The following FRMPD4 variants were observed in gnomAD, a reference collection of about 807,000 sequenced individuals.
FRMPD4 encodes the protein FERM and PDZ domain-containing protein 4.
In FRMPD4, 22 loss-of-function variants were observed where a neutral mutation model predicts 94.1. The observed-to-expected ratio is 0.23, with a 90% CI of 0.17 to 0.33. FRMPD4 has a LOEUF of 0.33. FRMPD4 is among the 10% of genes least tolerant of loss of function. The pLI is 1.00. For synonymous variants in FRMPD4, 631 were observed against 548.6 expected (o/e 1.15, Z -2.10); for missense variants, 1,111 against 1,339.9 (o/e 0.83, Z 2.67).
intron 1 of FRMPD4, among the ~76,000 whole-genome samples, chrX:12,406,024 G>T (rs750883151): frequency 2.8e-3 from 314 of 111,131 alleles, no homozygotes; most frequent in Non-Finnish European, 3.5e-3. Context: ...CTCAACCAGG[G>T]CGCTCTTGCC....
chrX:12,221,892 A>G (rs1324134927), intron 1 of FRMPD4, among the ~76,000 whole-genome samples: 1 of 112,401 alleles, frequency 8.9e-6, no homozygotes, highest in Non-Finnish European at 1.9e-5. Flanking sequence ...CACAGGATGG[A>G]ATATAAAGTG....
chrX:12,020,589 A>G, intron 3 of FRMPD4, among the ~76,000 whole-genome samples: 1 of 111,937 alleles, frequency 8.9e-6, no homozygotes, highest in Non-Finnish European at 1.9e-5. Context: ...TCTACTGGCC[A>G]GAGCTCAGTC....
intron 3 of FRMPD4, among the ~76,000 whole-genome samples, chrX:12,109,729 A>G (rs966725790): frequency 2.7e-5 from 3 of 112,049 alleles, no homozygotes; most frequent in African/African-American, 9.7e-5. Context: ...AAAAAATGAT[A>G]AAGGGGATAT....
chrX:11,835,777 A>G (rs1408341171), intron 1 of FRMPD4, among the ~76,000 whole-genome samples: 2 of 112,017 alleles, frequency 1.8e-5, no homozygotes, highest in African/African-American at 6.5e-5. Flanking sequence ...TCCCAGTATT[A>G]TCACTTGACA....
chrX:12,264,826 G>A (rs954833325), intron 1 of FRMPD4, among the ~76,000 whole-genome samples: 2 of 112,118 alleles, frequency 1.8e-5, no homozygotes, highest in African/African-American at 3.2e-5. Flanking sequence ...TTCAAGATGG[G>A]AATTTATGGG....
chrX:12,679,032 G>A (rs1402342482), intron 5 of FRMPD4, among the ~76,000 whole-genome samples: 3 of 112,126 alleles, frequency 2.7e-5, no homozygotes, highest in Admixed American at 9.4e-5. Flanking sequence ...ACAGCTGAGA[G>A]AGGCTACACA....
intron 1 of FRMPD4, among the ~76,000 whole-genome samples, chrX:12,193,838 G>GGAAGGAAGGAAGGAAGGAAGAAAAGA (rs1478269492): frequency 1.5e-4 from 9 of 59,959 alleles, no homozygotes; most frequent in East Asian, 1.0e-3. Flanking sequence ...AGGGAAGGAA[G>GGAAGGAAGGAAGGAAGGAAGAAAAGA]AAAGAAAAGA....
intron 1 of FRMPD4, among the ~76,000 whole-genome samples, chrX:12,291,050 G>A (rs1405680994): frequency 3.6e-5 from 4 of 111,048 alleles, no homozygotes; most frequent in Non-Finnish European, 7.5e-5. Context: ...TAGCTCCCTG[G>A]CTGCATCTGC....
intron 1 of FRMPD4, among the ~76,000 whole-genome samples, chrX:12,333,830 C>T (rs2055473051): frequency 8.9e-6 from 1 of 111,839 alleles, no homozygotes; most frequent in South Asian, 3.7e-4. Flanking sequence ...GAAACATATT[C>T]AGGTATGTAG....
intron 1 of FRMPD4, among the ~76,000 whole-genome samples, chrX:12,337,685 A>G (rs5978519): frequency 0.086 from 9,604 of 111,922 alleles, 1,044 homozygotes; most frequent in African/African-American, 0.29. Flanking sequence ...TTTGCAGAAT[A>G]AACCTTGAGG....
chrX:12,105,555 T>C (rs1789697159), intron 3 of FRMPD4, among the ~76,000 whole-genome samples: 1 of 112,421 alleles, frequency 8.9e-6, no homozygotes. Flanking sequence ...CACTTAACCC[T>C]CATTTCAAAC....
At chrX:12,266,735 G>A (rs1304272981) in intron 1 of FRMPD4, among the ~76,000 whole-genome samples, 2 of 111,298 alleles carry the variant, frequency 1.8e-5, no homozygotes, top group African/African-American at 6.5e-5. Context: ...TATGGTACAT[G>A]CATGCTTTTG....
At chrX:12,118,035 C>T (rs1158037976) in intron 3 of FRMPD4, among the ~76,000 whole-genome samples, 1 of 111,241 alleles carries the variant, frequency 9.0e-6, no homozygotes, top group Non-Finnish European at 1.9e-5. Flanking sequence ...TTTAATGTAA[C>T]ATACATACAA....
intron 3 of FRMPD4, among the ~76,000 whole-genome samples, chrX:12,016,574 T>C (rs892877408): frequency 3.0e-4 from 33 of 111,829 alleles, no homozygotes; most frequent in African/African-American, 1.0e-3. Flanking sequence ...GAGTTATACC[T>C]CTTGTCATTA....
rs768757648 is a variant in FRMPD4 at position 11,884,822 on chromosome X, A to G, written c.95+6804A>G. Among the ~76,000 whole-genome samples, 3 of 111,821 alleles carry G rather than the reference A, an allele frequency of 2.7e-5. No homozygotes were observed. In the South Asian group the frequency reaches 1.1e-3, roughly 42 times the overall value. ...GAATAAAGTAAAATGTGAAATCTGC[A>G]TAATAGAGGAGAGATTAAATATAGA... On this transcript the variant is annotated intron_variant, in intron 3 of 18. Coordinates refer to the FRMPD4 transcript ENST00000640291.
intron 1 of FRMPD4, among the ~76,000 whole-genome samples, chrX:11,851,362 T>C (rs1282765793): frequency 9.0e-6 from 1 of 111,308 alleles, no homozygotes. Flanking sequence ...CCCTTCTCCA[T>C]TGACAGATTA....
At chrX:12,618,563 A>G (rs1294031745) in intron 4 of FRMPD4, among the ~76,000 whole-genome samples, 1 of 111,200 alleles carries the variant, frequency 9.0e-6, no homozygotes, top group Non-Finnish European at 1.9e-5. Context: ...TATGCATGAG[A>G]AGGGAGTTGT....
intron 1 of FRMPD4, among the ~76,000 whole-genome samples, chrX:12,318,381 C>T (rs955073833): frequency 7.2e-5 from 8 of 111,380 alleles, no homozygotes; most frequent in African/African-American, 2.3e-4. Flanking sequence ...AAAAATTAGC[C>T]GAGTGTGGTG....
At chrX:12,342,552 G>T (rs930105842) in intron 1 of FRMPD4, among the ~76,000 whole-genome samples, 1 of 111,702 alleles carries the variant, frequency 9.0e-6, no homozygotes, top group Admixed American at 9.5e-5. Context: ...ATTGGAGCTT[G>T]GTTATGAATG....
Sources: gnomAD v4.1 joint callset for allele counts (sites outside exome capture counted in the v4.1 genomes callset) on GRCh38, gnomAD v4.1.1 for gene constraint, MANE v1.5 for transcripts, NCBI Gene and HGNC (gene_info 2026-07-23, HGNC 2026-07-21) for gene names.